Variants in UBE2H observed in about 807,000 individuals in gnomAD.
UBE2H encodes the protein ubiquitin conjugating enzyme E2 H.
A neutral mutation model predicts 29.0 loss-of-function variants in UBE2H; 3 were observed. The ratio of observed to expected loss-of-function variants is 0.10; its 90% CI spans 0.05 to 0.27. UBE2H has a LOEUF of 0.27. Among genes scored for constraint, UBE2H ranks in the 10% least tolerant of loss-of-function variants. The probability of loss-of-function intolerance (pLI) is 1.00; values close to 1 mark genes in which losing one functional copy is unlikely to be tolerated. For synonymous variants in UBE2H, 69 were observed against 82.9 expected, an observed-to-expected ratio of 0.83 and a Z score of 0.91; for missense variants, 68 against 228.2, an observed-to-expected ratio of 0.30 and a Z score of 4.52.
At chr7:129,869,995 C>A (rs1299564472) in intron 3 of UBE2H, among the ~76,000 whole-genome samples, 2 of 152,184 alleles carry the variant, frequency 1.3e-5, no homozygotes, top group Non-Finnish European at 2.9e-5. Context: ...CTTTGTTCCC[C>A]TAACTCTCTC....
At chr7:129,859,014 A>G in intron 3 of UBE2H, 73 bp from the exon 4 acceptor site, 2 of 1,237,088 alleles carry the variant, frequency 1.6e-6, no homozygotes, top group Non-Finnish European at 2.4e-6. Context: ...ACTGGAAACA[A>G]TTTCAGTATT....
At chr7:129,923,406 G>A (rs2693740) in intron 1 of UBE2H, among the ~76,000 whole-genome samples, 144,989 of 152,256 alleles carry the variant, frequency 0.95, 69,324 homozygotes, top group East Asian at 1. Flanking sequence ...CCAACCCAGA[G>A]TTTGTTCTGC....
chr7:129,873,420 A>G (rs2116354353), intron 3 of UBE2H, among the ~76,000 whole-genome samples: 1 of 144,824 alleles, frequency 6.9e-6, no homozygotes, highest in African/African-American at 2.6e-5. Context: ...CACTAACATC[A>G]AATTCTTTTT....
intron 3 of UBE2H, among the ~76,000 whole-genome samples, chr7:129,873,150 C>A (rs867129195): frequency 2.6e-5 from 4 of 151,674 alleles, no homozygotes; most frequent in Admixed American, 2.0e-4. Context: ...TCCCAAGTAG[C>A]TGGGAATACA....
Position 129,830,789 on chromosome 7 carries a change from C to T in UBE2H, c.*4148G>A, listed in dbSNP as rs1438522261. 1 of 148,386 alleles carries T rather than the reference C, an allele frequency of 6.7e-6. No homozygotes were observed. Among genetic ancestry groups the T allele is most frequent in the Non-Finnish European group, 1.5e-5 (1 of 67,406 alleles). The allele number at this position is 148,386 out of a possible 1,614,324, so 9.2% of individuals were successfully genotyped here. On this transcript the variant is annotated 3_prime_UTR_variant, in exon 7 of 7. Transcript: ENST00000355621. Reference sequence around the variant, plus strand: ...AGTTTACAGTTTTCATTATACACAACTATTAAGAGGTTATAGTCAGAGGAG... The same window carrying T: ...AGTTTACAGTTTTCATTATACACAATTATTAAGAGGTTATAGTCAGAGGAG...
intron 1 of UBE2H, among the ~76,000 whole-genome samples, chr7:129,899,097 C>T (rs1272890625): frequency 6.6e-6 from 1 of 152,110 alleles, no homozygotes; most frequent in Non-Finnish European, 1.5e-5. Context: ...CCATAATTTA[C>T]CTATCCGTAA....
At chr7:129,872,845 C>CAAAAAAAAAAAAAAAAAAA (rs34001143) in intron 3 of UBE2H, among the ~76,000 whole-genome samples, 1 of 71,992 alleles carries the variant, frequency 1.4e-5, no homozygotes, top group East Asian at 5.3e-4. Context: ...CACTCCGTCT[C>CAAAAAAAAAAAAAAAAAAA]AAAAAAAAAA....
intron 5 of UBE2H, among the ~76,000 whole-genome samples, chr7:129,854,801 C>A (rs1017303307): frequency 1.3e-5 from 2 of 152,120 alleles, no homozygotes; most frequent in African/African-American, 4.8e-5. Context: ...ACAGCAATAA[C>A]CCAAATGTCT....
chr7:129,841,286 A>G (rs532242480), intron 5 of UBE2H, among the ~76,000 whole-genome samples: 8 of 152,314 alleles, frequency 5.3e-5, no homozygotes, highest in Admixed American at 4.6e-4. Flanking sequence ...TACATATACA[A>G]AAACAAGTAC....
chr7:129,866,187 G>A (rs1402289304), intron 3 of UBE2H, among the ~76,000 whole-genome samples: 2 of 152,188 alleles, frequency 1.3e-5, no homozygotes, highest in East Asian at 3.8e-4. Flanking sequence ...TGTGTCATGG[G>A]AACTTCTGAA....
intron 1 of UBE2H, among the ~76,000 whole-genome samples, chr7:129,887,785 G>A (rs1402224083): frequency 6.6e-6 from 1 of 152,036 alleles, no homozygotes; most frequent in African/African-American, 2.4e-5. Flanking sequence ...TGTAATCCCA[G>A]CTACTCGGGA....
rs183456347 is a variant in UBE2H, at chr7:129,880,983, G to T, written c.54-12C>A. On this transcript the variant is annotated splice_polypyrimidine_tract_variant and intron_variant, in intron 1 of 6. Transcript: ENST00000355621. The stretch of plus-strand genomic sequence containing the variant: ...GTTTACTCTCGATGCTAAGGTGGAC[G>T]GTAAAGGAAATTACACAGGCTTTAC... 2.8e-4 allele frequency: 450 copies of T among 1,609,622 alleles called. 4 individuals carry two copies. The East Asian group carries it at 9.5e-3, about 34-fold the overall frequency.
chr7:129,926,753 T>C lies in UBE2H; in HGVS notation c.53+25750A>G, dbSNP rs570867508. On this transcript the variant is annotated intron_variant, in intron 1 of 6. Transcript: ENST00000355621. ...TCTTTACCAAGAGTCCTCCTCTGGC[T>C]GACTGATAAGTGATCACACCTCCAG... 9.7e-5 allele frequency among the ~76,000 whole-genome samples: 13 copies of C among 134,030 alleles called. No homozygotes were observed. In the South Asian group the frequency reaches 1.1e-3, roughly 11 times the overall value. The allele number at this position is 134,030 out of a possible 152,430, so 87.9% of individuals were successfully genotyped here. A position where few individuals can be genotyped will look rare whatever the true frequency, so the allele number is the denominator to read the frequency against.
intron 1 of UBE2H, among the ~76,000 whole-genome samples, chr7:129,906,988 T>G (rs747545220): frequency 6.6e-6 from 1 of 152,218 alleles, no homozygotes; most frequent in Non-Finnish European, 1.5e-5. Context: ...ATCTATGCTC[T>G]GGGACAGACC....
At chr7:129,874,554 C>T (rs563157736) in intron 3 of UBE2H, among the ~76,000 whole-genome samples, 1 of 152,290 alleles carries the variant, frequency 6.6e-6, no homozygotes, top group Admixed American at 6.5e-5. Flanking sequence ...CATGATCCAC[C>T]CGCCTCGGCC....
rs578178893 is a variant in UBE2H at position 129,855,023 on chromosome 7, T to C, written c.298+2488A>G. 2.6e-5 allele frequency among the ~76,000 whole-genome samples: 4 copies of C among 152,316 alleles called. No homozygotes were observed. In the South Asian group the frequency reaches 8.3e-4, roughly 32 times the overall value. On this transcript the variant is annotated intron_variant, in intron 5 of 6. Transcript: ENST00000355621. ...AACAAAAAGCAGATTCGTGGTTGCC[T>C]AGGGCGAATAGTTAAAGGGTACACA...
At chr7:129,840,609 C>G (rs1805411652) in intron 5 of UBE2H, among the ~76,000 whole-genome samples, 1 of 152,142 alleles carries the variant, frequency 6.6e-6, no homozygotes, top group Non-Finnish European at 1.5e-5. Flanking sequence ...CCACACACCC[C>G]ATAGCTCAGA....
intron 1 of UBE2H, among the ~76,000 whole-genome samples, chr7:129,926,125 T>A (rs1209985843): frequency 1.3e-5 from 2 of 152,230 alleles, no homozygotes; most frequent in African/African-American, 4.8e-5. Context: ...CCACTGTATT[T>A]TACTTCTTCA....
At chr7:129,862,775 C>A (rs886527523) in intron 3 of UBE2H, among the ~76,000 whole-genome samples, 3 of 152,108 alleles carry the variant, frequency 2.0e-5, no homozygotes, top group African/African-American at 7.2e-5. Flanking sequence ...GCATTTGGGG[C>A]CCTTTTAAGG....
Sources: gnomAD v4.1 joint callset for allele counts (sites outside exome capture counted in the v4.1 genomes callset) on GRCh38, gnomAD v4.1.1 for gene constraint, MANE v1.5 for transcripts, NCBI Gene and HGNC (gene_info 2026-07-23, HGNC 2026-07-21) for gene names.